The following GLIPR2 variants were observed in gnomAD, a reference collection of about 807,000 sequenced individuals.
GLIPR2 encodes the protein Golgi-associated plant pathogenesis-related protein 1.
GLIPR2 carries 21 observed loss-of-function variants against 20.4 expected under a neutral mutation model. That is an observed-to-expected ratio of 1.03 (90% CI 0.73 to 1.48). The LOEUF (loss-of-function observed/expected upper bound fraction) is 1.48. GLIPR2 is among the 40% of genes most tolerant of loss of function. GLIPR2 has a pLI of 0.00. For synonymous variants in GLIPR2, 91 were observed against 80.5 expected, an observed-to-expected ratio of 1.13 and a Z score of -0.70; for missense variants, 205 against 200.1, an observed-to-expected ratio of 1.02 and a Z score of -0.15.
At chr9:36,147,315 C>T (rs1825370401) in intron 1 of GLIPR2, among the ~76,000 whole-genome samples, 1 of 152,174 alleles carries the variant, frequency 6.6e-6, no homozygotes, top group Non-Finnish European at 1.5e-5. Flanking sequence ...TGGCCCATTC[C>T]AGTCCCCTCT....
At chr9:36,138,358 G>A (rs1824924478) in intron 1 of GLIPR2, among the ~76,000 whole-genome samples, 1 of 152,004 alleles carries the variant, frequency 6.6e-6, no homozygotes, top group Non-Finnish European at 1.5e-5. Context: ...CTGAGTAGCT[G>A]GGATTACAGG....
Position 36,140,979 on chromosome 9 carries a change from T to C in GLIPR2, c.13+4188T>C, listed in dbSNP as rs183876014. Reference sequence around the variant, plus strand: ...ACTGAAAAAGGCCATCAAACGTCAATGTAAAGGCAGGGCAGGAGGGGACCT... The same window carrying C: ...ACTGAAAAAGGCCATCAAACGTCAACGTAAAGGCAGGGCAGGAGGGGACCT... On this transcript the variant is annotated intron_variant, in intron 1 of 4. Coordinates refer to ENST00000377960, the MANE Select transcript of GLIPR2 (RefSeq NM_022343.4). Among the ~76,000 whole-genome samples, 423 of 152,164 alleles carry C rather than the reference T, an allele frequency of 2.8e-3. 1 individual carries two copies. The highest frequency in any genetic ancestry group is 4.0e-3 in the Non-Finnish European group (270 of 67,998).
chr9:36,157,610 G>A (rs1825889690), intron 4 of GLIPR2, among the ~76,000 whole-genome samples: 1 of 151,778 alleles, frequency 6.6e-6, no homozygotes, highest in South Asian at 2.1e-4. Flanking sequence ...GCTTCCCAAA[G>A]TGCTAGGATT....
At chr9:36,150,353 G>C (rs1887523) in intron 3 of GLIPR2, among the ~76,000 whole-genome samples, 128,410 of 152,202 alleles carry the variant, frequency 0.84, 54,195 homozygotes, top group Admixed American at 0.88. Context: ...ATATCAACAC[G>C]TGTGGGGACA....
At position 36,147,855 on chromosome 9, in the gene GLIPR2, C is replaced by A. The variant is rs771790962; in HGVS notation, c.83C>A (p.Pro28Gln). Residue 28 changes from proline to glutamine, a missense_variant, in exon 2 of 5, where the codon CCA becomes CAA. Physicochemically the swap from Pro to Gln is moderately conservative, Grantham distance 76. Coordinates refer to ENST00000377960, the MANE Select transcript of GLIPR2 (RefSeq NM_022343.4). The stretch of plus-strand genomic sequence containing the variant: ...TACCGGCAGAAGCACGGCGTCCCCC[C>A]ACTGAAGCTCTGCAAGAACCTCAAC... ...NEYRQKHGVPPLKLCKNLNRE... is the reference protein window; with the variant it reads ...NEYRQKHGVPQLKLCKNLNRE... The A allele has an allele frequency of 3.5e-5, 55 of 1,593,042 alleles. No individual in the cohort carries two copies. Among genetic ancestry groups the A allele is most frequent in the Non-Finnish European group, 4.4e-5 (51 of 1,160,928 alleles).
intron 4 of GLIPR2, among the ~76,000 whole-genome samples, chr9:36,159,469 G>T (rs1019250863): frequency 1.3e-5 from 2 of 152,164 alleles, no homozygotes; most frequent in African/African-American, 2.4e-5. Context: ...CACTTTTCAT[G>T]TGCCAGGCTA....
Position 36,153,441 on chromosome 9 carries a change from G to A in GLIPR2, c.304+2492G>A, listed in dbSNP as rs374045700. Among the ~76,000 whole-genome samples the A allele has an allele frequency of 1.1e-4, 16 of 152,302 alleles. No individual in the cohort carries two copies. In the East Asian group the frequency reaches 1.2e-3, roughly 11 times the overall value. ...CAGCCAGAGCCTGATCCTAAGACAGGAGTGAGATTTTGGGTGGTGTCATAA... is the reference window on the plus strand; with the variant it reads ...CAGCCAGAGCCTGATCCTAAGACAGAAGTGAGATTTTGGGTGGTGTCATAA... On this transcript the variant is annotated intron_variant, in intron 4 of 4. Coordinates refer to ENST00000377960, the MANE Select transcript of GLIPR2 (RefSeq NM_022343.4).
At chr9:36,138,251 G>A (rs922509591) in intron 1 of GLIPR2, among the ~76,000 whole-genome samples, 4 of 151,834 alleles carry the variant, frequency 2.6e-5, no homozygotes, top group African/African-American at 9.7e-5. Context: ...CTGAGACGTG[G>A]TCTCCTTCTG....
At chr9:36,146,454 C>T (rs1489816799) in intron 1 of GLIPR2, among the ~76,000 whole-genome samples, 1 of 152,152 alleles carries the variant, frequency 6.6e-6, no homozygotes, top group East Asian at 1.9e-4. Flanking sequence ...TCCCAATAGC[C>T]CCAAGTCTTA....
chr9:36,140,815 C>T (rs953543457), intron 1 of GLIPR2, among the ~76,000 whole-genome samples: 18 of 152,094 alleles, frequency 1.2e-4, no homozygotes, highest in African/African-American at 3.9e-4. Context: ...AATGCGCATG[C>T]CCCCCACCAT....
intron 1 of GLIPR2, among the ~76,000 whole-genome samples, chr9:36,147,098 A>G (rs898052358): frequency 3.3e-5 from 5 of 152,190 alleles, no homozygotes; most frequent in African/African-American, 1.2e-4. Flanking sequence ...ACACTCTCAC[A>G]GACACACCCC....
intron 4 of GLIPR2, among the ~76,000 whole-genome samples, chr9:36,157,940 G>A (rs1438616693): frequency 1.3e-5 from 2 of 151,764 alleles, no homozygotes; most frequent in Non-Finnish European, 2.9e-5. Context: ...AGCCTCCCCA[G>A]TAGCTAGGAT....
chr9:36,137,465 T>C (rs968769029), intron 1 of GLIPR2, among the ~76,000 whole-genome samples: 2 of 152,314 alleles, frequency 1.3e-5, no homozygotes, highest in Admixed American at 1.3e-4. Flanking sequence ...GTCCAGAAGC[T>C]GGTGCACAGG....
At chr9:36,143,002 G>A (rs1159688888) in intron 1 of GLIPR2, among the ~76,000 whole-genome samples, 8 of 152,176 alleles carry the variant, frequency 5.3e-5, no homozygotes, top group African/African-American at 9.7e-5. Context: ...GGAGCCTGGC[G>A]TTGGCGGACA....
intron 4 of GLIPR2, among the ~76,000 whole-genome samples, chr9:36,156,879 A>G (rs1241665548): frequency 6.6e-6 from 1 of 152,158 alleles, no homozygotes; most frequent in Non-Finnish European, 1.5e-5. Flanking sequence ...GGTTTTAACT[A>G]TTCTAGCTAC....
chr9:36,142,207 T>C (rs768322312), intron 1 of GLIPR2, among the ~76,000 whole-genome samples: 1 of 152,174 alleles, frequency 6.6e-6, no homozygotes, highest in Non-Finnish European at 1.5e-5. Context: ...GCCACCCCTG[T>C]CTATTTTCTT....
chr9:36,155,212 T>G (rs59476112), intron 4 of GLIPR2, among the ~76,000 whole-genome samples: 1,599 of 152,338 alleles, frequency 0.01, 27 homozygotes, highest in African/African-American at 0.037. Context: ...ATGGATTCGT[T>G]TTTATATTTG....
intron 4 of GLIPR2, 109 bp downstream of exon 4, chr9:36,151,058 G>A (rs1563884460): frequency 2.7e-6 from 2 of 745,828 alleles, no homozygotes; most frequent in Admixed American, 2.1e-5. Flanking sequence ...TTTCCTTCCT[G>A]TTTAATCTCT....
chr9:36,140,802 G>A (rs147149721), intron 1 of GLIPR2, among the ~76,000 whole-genome samples: 3 of 152,284 alleles, frequency 2.0e-5, no homozygotes, highest in East Asian at 1.9e-4. Flanking sequence ...TGTGGTCTTG[G>A]ACAATGCGCA....
Sources: allele counts gnomAD v4.1 joint callset (sites outside exome capture counted in the v4.1 genomes callset), GRCh38; gene constraint gnomAD v4.1.1; transcripts MANE v1.5; gene names NCBI Gene and HGNC (gene_info 2026-07-23, HGNC 2026-07-21).